The following RIMS2 variants were observed in gnomAD, a reference collection of about 807,000 sequenced individuals.
RIMS2 encodes the protein regulating synaptic membrane exocytosis protein 2.
A neutral mutation model predicts 174.4 loss-of-function variants in RIMS2; 59 were observed. That is an observed-to-expected ratio of 0.34 (90% CI 0.27 to 0.42). The LOEUF (loss-of-function observed/expected upper bound fraction) is 0.42. Ranked by LOEUF, RIMS2 falls within the 10% of genes least tolerant of loss-of-function variation. RIMS2 has a pLI of 1.00. For missense variants in RIMS2, 1,620 were observed against 1,666.3 expected (o/e 0.97, Z 0.48); for synonymous variants, 606 against 572.5 (o/e 1.06, Z -0.84).
At chr8:103,600,026 C>T (rs1443879935) in intron 1 of RIMS2, among the ~76,000 whole-genome samples, 2 of 152,136 alleles carry the variant, frequency 1.3e-5, no homozygotes, top group Non-Finnish European at 2.9e-5. Context: ...TAATCATCCT[C>T]ATCTCCGCTA....
chr8:103,859,634 T>A (rs553043261), intron 3 of RIMS2, among the ~76,000 whole-genome samples: 2 of 152,000 alleles, frequency 1.3e-5, no homozygotes, highest in South Asian at 4.2e-4. Context: ...GAAAGGAGTG[T>A]TTATCTAGTA....
intron 19 of RIMS2, among the ~76,000 whole-genome samples, chr8:104,210,936 T>G (rs926068571): frequency 2.6e-5 from 4 of 152,266 alleles, no homozygotes; most frequent in Non-Finnish European, 5.9e-5. Context: ...TGCAATCTTA[T>G]GTCTGTTGAA....
chr8:104,223,835 TAGAA>T, intron 19 of RIMS2: 1 of 1,543,088 alleles, frequency 6.5e-7, no homozygotes, highest in Non-Finnish European at 8.8e-7. Flanking sequence ...TCTATCTGTT[TAGAA>T]AGTCGGTGGC....
intron 3 of RIMS2, among the ~76,000 whole-genome samples, chr8:103,852,576 C>T (rs2099005086): frequency 6.6e-6 from 1 of 151,784 alleles, no homozygotes; most frequent in Non-Finnish European, 1.5e-5. Context: ...GCCTCAAGTG[C>T]AGCACAGTGT....
intron 15 of RIMS2, among the ~76,000 whole-genome samples, chr8:103,969,919 T>C (rs147386205): frequency 5.3e-4 from 81 of 152,282 alleles, no homozygotes; most frequent in African/African-American, 1.9e-3. Flanking sequence ...CAGTTTATTT[T>C]TGTATTTTTT....
intron 5 of RIMS2, among the ~76,000 whole-genome samples, chr8:103,911,020 T>C (rs1182347077): frequency 2.0e-5 from 3 of 152,214 alleles, no homozygotes; most frequent in African/African-American, 7.2e-5. Flanking sequence ...TTTTGTTTTA[T>C]TGTCATAGCA....
chr8:103,543,738 A>G (rs1055756518), intron 1 of RIMS2, among the ~76,000 whole-genome samples: 8 of 152,212 alleles, frequency 5.3e-5, no homozygotes. Context: ...AAGAATACAC[A>G]ATGGGCAAAG....
intron 12 of RIMS2, among the ~76,000 whole-genome samples, chr8:103,932,815 A>G (rs1440269348): frequency 6.6e-6 from 1 of 152,156 alleles, no homozygotes; most frequent in East Asian, 1.9e-4. Context: ...TAATCACAGG[A>G]TCACTTGGGG....
intron 2 of RIMS2, among the ~76,000 whole-genome samples, chr8:103,726,462 A>G (rs778316478): frequency 6.6e-6 from 1 of 151,958 alleles, no homozygotes; most frequent in East Asian, 1.9e-4. Flanking sequence ...TCCCTATCTC[A>G]AGGATGCAAG....
chr8:104,039,268 AG>A (rs1409102024), intron 19 of RIMS2, among the ~76,000 whole-genome samples: 1 of 151,734 alleles, frequency 6.6e-6, no homozygotes, highest in African/African-American at 2.4e-5. Context: ...TGGGTCATAT[AG>A]TACCTAGTCC....
At chr8:103,710,291 A>G (rs944548466) in intron 2 of RIMS2, among the ~76,000 whole-genome samples, 1 of 152,180 alleles carries the variant, frequency 6.6e-6, no homozygotes, top group African/African-American at 2.4e-5. Context: ...ATATAATAAA[A>G]TAATCTTTTG....
intron 16 of RIMS2, among the ~76,000 whole-genome samples, chr8:103,985,344 C>T (rs965378713): frequency 3.3e-5 from 5 of 151,184 alleles, no homozygotes; most frequent in South Asian, 2.1e-4. Context: ...CATGGTGGTG[C>T]GCGCCTGTAG....
intron 2 of RIMS2, among the ~76,000 whole-genome samples, chr8:103,731,906 T>G (rs1591282821): frequency 6.6e-6 from 1 of 152,368 alleles, no homozygotes; most frequent in East Asian, 1.9e-4. Flanking sequence ...TTGAATTTTC[T>G]ATATGAAAGG....
intron 3 of RIMS2, among the ~76,000 whole-genome samples, chr8:103,775,912 C>T (rs917843924): frequency 1.1e-4 from 16 of 152,132 alleles, no homozygotes; most frequent in African/African-American, 3.6e-4. Context: ...CTGAATTAAA[C>T]TTGAACCATT....
intron 3 of RIMS2, chr8:103,880,767 A>G: frequency 2.4e-6 from 1 of 415,462 alleles, no homozygotes; most frequent in East Asian, 3.5e-5. Flanking sequence ...ATAAATAGAA[A>G]TTGATTTATT....
chr8:104,093,556 T>C, intron 19 of RIMS2: 2 of 1,597,494 alleles, frequency 1.3e-6, no homozygotes, highest in Non-Finnish European at 1.7e-6. Flanking sequence ...ATATCTGCGG[T>C]TTCAAGGACT....
At chr8:103,841,343 T>C (rs2098938590) in intron 3 of RIMS2, among the ~76,000 whole-genome samples, 1 of 152,202 alleles carries the variant, frequency 6.6e-6, no homozygotes, top group South Asian at 2.1e-4. Flanking sequence ...AATGTTTCCC[T>C]ACTTTCTCTC....
At chr8:103,864,172 T>C (rs1225039384) in intron 3 of RIMS2, among the ~76,000 whole-genome samples, 1 of 152,162 alleles carries the variant, frequency 6.6e-6, no homozygotes, top group Non-Finnish European at 1.5e-5. Flanking sequence ...GTTTTTTGTC[T>C]CAGTTTCATT....
intron 3 of RIMS2, among the ~76,000 whole-genome samples, chr8:103,852,144 G>A (rs538692479): frequency 7.9e-5 from 12 of 152,096 alleles, no homozygotes; most frequent in African/African-American, 2.9e-4. Flanking sequence ...CTTCCAGCAA[G>A]ATTGGATCCT....
Sources: allele counts gnomAD v4.1 joint callset (sites outside exome capture counted in the v4.1 genomes callset), GRCh38; gene constraint gnomAD v4.1.1; transcripts MANE v1.5; gene names NCBI Gene and HGNC (gene_info 2026-07-23, HGNC 2026-07-21).